DYNC2H1: variants seen among roughly 807,000 people sequenced by gnomAD.
DYNC2H1 encodes the protein dynein cytoplasmic 2 heavy chain 1.
A neutral mutation model predicts 570.0 loss-of-function variants in DYNC2H1; 410 were observed. That is an observed-to-expected ratio of 0.72 (90% CI 0.66 to 0.78). DYNC2H1 has a LOEUF of 0.78. Ranked by LOEUF, DYNC2H1 falls within the 30% of genes least tolerant of loss-of-function variation. DYNC2H1 has a pLI of 0.00. For synonymous variants in DYNC2H1, 1,688 were observed against 1,677.6 expected, an observed-to-expected ratio of 1.01 and a Z score of -0.15; for missense variants, 4,865 against 5,046.4, an observed-to-expected ratio of 0.96 and a Z score of 1.09.
rs199635559 is a variant in DYNC2H1 at position 103,186,199 on chromosome 11, C to G, written c.6634-43C>G. 13 of 1,574,846 alleles carry G rather than the reference C, an allele frequency of 8.3e-6. No individual in the cohort carries two copies. The Admixed American group carries it at 1.4e-4, about 17-fold the overall frequency. On this transcript the variant is annotated intron_variant, in intron 41 of 88. Transcript: ENST00000375735. This position sits in a 1 kb window ranked among gnomAD's most constrained non-coding sequence, Gnocchi z 4.5. The stretch of plus-strand genomic sequence containing the variant: ...TGGAAGAATTTTAAAATGTCACACA[C>G]TCTGGAGTATGTGAAAACTTATCAC...
rs1864980975 is a variant in DYNC2H1 at position 103,254,792 on chromosome 11, G to T, written c.10207-623G>T. On this transcript the variant is annotated intron_variant, in intron 66 of 88. Coordinates refer to ENST00000375735, the MANE Select transcript of DYNC2H1 (RefSeq NM_001377.3). The surrounding 1 kb of genome is among the most constrained non-coding windows in gnomAD (Gnocchi z 4.9). ...TGTTTATTTTATTTTATTTTTTTGA[G>T]ACGGAGTCTGGCACTGTTGCCCAGG... 6.6e-6 allele frequency among the ~76,000 whole-genome samples: 1 copy of T among 151,896 alleles called. No homozygotes were observed. The highest frequency in any genetic ancestry group is 2.1e-4 in the South Asian group (1 of 4,818).
At position 103,239,657 on chromosome 11, in the gene DYNC2H1, G is replaced by GTT. The variant is rs1306235671; in HGVS notation, c.9819+3119_9819+3120insTT. On this transcript the variant is annotated intron_variant, in intron 63 of 88. Transcript: ENST00000375735. The surrounding 1 kb of genome is among the most constrained non-coding windows in gnomAD (Gnocchi z 4.3). Reference sequence around the variant, plus strand: ...TTCTCATAGGAGTGTGTGTGTGTGTGTGTGTGTGTGTGTGTGTGTGTAACC... The same window carrying GTT: ...TTCTCATAGGAGTGTGTGTGTGTGTGTTTGTGTGTGTGTGTGTGTGTGTAACC... Among the ~76,000 whole-genome samples the GTT allele has an allele frequency of 6.6e-6, 1 of 151,728 alleles. No homozygotes were observed. Among genetic ancestry groups the GTT allele is most frequent in the Non-Finnish European group, 1.5e-5 (1 of 67,922 alleles).
At position 103,184,908 on chromosome 11, in the gene DYNC2H1, G is replaced by A. The variant is rs1231087634; in HGVS notation, c.6490G>A (p.Val2164Ile). The change falls in exon 41 of 89, where the codon GTA becomes ATA. Residue 2164 changes from valine (V) to isoleucine (I), a missense_variant. Transcript: ENST00000375735. ...QWVLKQNDYV[V>I]ETSLVGTVMN... ...TTTTAATCAACAGAATGACTATGTG[G>A]TAGAAACAAGTTTGGTTGGGACTGT... 2.5e-6 allele frequency: 4 copies of A among 1,610,250 alleles called. No individual in the cohort carries two copies. Among genetic ancestry groups the A allele is most frequent in the Non-Finnish European group, 3.4e-6 (4 of 1,177,470 alleles).
chr11:103,223,189 C>G, intron 59 of DYNC2H1, 103 bp downstream of exon 59: 1 of 1,169,782 alleles, frequency 8.5e-7, no homozygotes, highest in Non-Finnish European at 1.1e-6. Flanking sequence ...TGTAAAATGG[C>G]AGTTGACAAT....
At chr11:103,321,818 A>G (rs189758057) in intron 81 of DYNC2H1, among the ~76,000 whole-genome samples, 250 of 152,188 alleles carry the variant, frequency 1.6e-3, no homozygotes, top group South Asian at 9.1e-3. Flanking sequence ...AAAGATTTCA[A>G]TTTTGATTTA....
At position 103,228,172 on chromosome 11, in the gene DYNC2H1, G is replaced by A. The variant is rs781277854; in HGVS notation, c.9354-3088G>A. Among the ~76,000 whole-genome samples the A allele has an allele frequency of 1.3e-5, 2 of 152,018 alleles. No individual in the cohort carries two copies. The highest frequency in any genetic ancestry group is 2.9e-5 in the Non-Finnish European group (2 of 67,998). On this transcript the variant is annotated intron_variant, in intron 59 of 88. Transcript: ENST00000375735. The surrounding 1 kb of genome is among the most constrained non-coding windows in gnomAD (Gnocchi z 6.1). ...TGTATCTTTTAAGTGGAGCATTTAC[G>A]CCATTTACGTTCAGTGTTAGTATTG...
At position 103,326,269 on chromosome 11, in the gene DYNC2H1, GCC is replaced by G. The variant is rs1254021896; in HGVS notation, c.12039+2282_12039+2283del. Among the ~76,000 whole-genome samples the G allele has an allele frequency of 6.6e-6, 1 of 152,084 alleles. No homozygotes were observed. Among genetic ancestry groups the G allele is most frequent in the Non-Finnish European group, 1.5e-5 (1 of 68,010 alleles). On this transcript the variant is annotated intron_variant, in intron 82 of 88. Coordinates refer to ENST00000375735, the MANE Select transcript of DYNC2H1 (RefSeq NM_001377.3). The surrounding 1 kb of genome is among the most constrained non-coding windows in gnomAD (Gnocchi z 6.1). Reference sequence around the variant, plus strand: ...CGGGGAATAAAATCATCTCACCAGGGCCCCGTCCTTGGCTTTGAGTGAGCCTC... The same window carrying G: ...CGGGGAATAAAATCATCTCACCAGGGCCGTCCTTGGCTTTGAGTGAGCCTC...
chr11:103,158,719 A>G lies in DYNC2H1; in HGVS notation c.4170A>G (p.Thr1390=), dbSNP rs1271447611. 1.3e-6 allele frequency: 2 copies of G among 1,531,344 alleles called. No individual in the cohort carries two copies. The highest frequency in any genetic ancestry group is 1.8e-6 in the Non-Finnish European group (2 of 1,130,512). The allele number at this position is 1,531,344 out of a possible 1,614,324, so 94.9% of individuals were successfully genotyped here. Reference sequence around the variant, plus strand: ...TCAAGAAAGACAATAGAGTCACAACATTAACTACTCATGCTGGAATAAGAA... The same window carrying G: ...TCAAGAAAGACAATAGAGTCACAACGTTAACTACTCATGCTGGAATAAGAA... ...TDIKKDNRVT[T]LTTHAGIRNS... The change falls in exon 27 of 89, where the codon ACA becomes ACG. Residue 1390 remains threonine (T), a synonymous_variant. Coordinates refer to ENST00000375735, the MANE Select transcript of DYNC2H1 (RefSeq NM_001377.3).
At chr11:103,402,469 A>C (rs1022317821) in intron 84 of DYNC2H1, 2 of 152,130 alleles carry the variant, frequency 1.3e-5, no homozygotes, top group African/African-American at 4.8e-5. Flanking sequence ...TAAAAGAGTC[A>C]TAGAGTTGAA....
chr11:103,399,074 T>C (rs1942512509), intron 83 of DYNC2H1, among the ~76,000 whole-genome samples: 1 of 151,924 alleles, frequency 6.6e-6, no homozygotes, highest in African/African-American at 2.4e-5. Context: ...TACTTTCTTT[T>C]CTTACCATAC....
intron 47 of DYNC2H1, among the ~76,000 whole-genome samples, chr11:103,193,791 G>A (rs1278454077): frequency 1.3e-5 from 2 of 151,870 alleles, no homozygotes; most frequent in Non-Finnish European, 2.9e-5. Flanking sequence ...CAGGTGATCT[G>A]CCCGCCTTGG....
intron 38 of DYNC2H1, 122 bp from the exon 39 acceptor site, chr11:103,178,904 G>A (rs1421363462): frequency 4.1e-6 from 4 of 966,200 alleles, no homozygotes; most frequent in East Asian, 2.6e-5. Flanking sequence ...TTGCGCATGG[G>A]TTCTTCAGCA....
chr11:103,342,858 ACC>A (rs1187036605), intron 82 of DYNC2H1, among the ~76,000 whole-genome samples: 1 of 152,046 alleles, frequency 6.6e-6, no homozygotes, highest in Non-Finnish European at 1.5e-5. Flanking sequence ...GAGACCAGGA[ACC>A]CACTGGAAGG....
chr11:103,216,090 C>A (rs1399508813), intron 55 of DYNC2H1, among the ~76,000 whole-genome samples: 3 of 152,016 alleles, frequency 2.0e-5, no homozygotes, highest in Non-Finnish European at 1.5e-5. Context: ...TATGTAAACT[C>A]TTTTTATATT....
At chr11:103,321,984 A>T (rs909088661) in intron 81 of DYNC2H1, among the ~76,000 whole-genome samples, 2 of 152,158 alleles carry the variant, frequency 1.3e-5, no homozygotes, top group Non-Finnish European at 2.9e-5. Flanking sequence ...ATTTTTTTCA[A>T]GAAAAATCCT....
At chr11:103,308,377 T>C (rs1356304009) in intron 78 of DYNC2H1, among the ~76,000 whole-genome samples, 1 of 152,230 alleles carries the variant, frequency 6.6e-6, no homozygotes, top group Admixed American at 6.5e-5. Context: ...TGTATGTATA[T>C]ACCACATTTT....
chr11:103,225,831 T>C lies in DYNC2H1; in HGVS notation c.9353+2745T>C, dbSNP rs192011557. ...ATGGGAATCACATTGAGTTTGTAGATTGCTTTTGGCAGTATGGTCATTTTC... is the reference window on the plus strand; with the variant it reads ...ATGGGAATCACATTGAGTTTGTAGACTGCTTTTGGCAGTATGGTCATTTTC... On this transcript the variant is annotated intron_variant, in intron 59 of 88. Transcript: ENST00000375735. Among the ~76,000 whole-genome samples, 8 of 152,348 alleles carry C rather than the reference T, an allele frequency of 5.3e-5. No homozygotes were observed. In the East Asian group the frequency reaches 7.7e-4, roughly 15 times the overall value.
chr11:103,256,252 C>T lies in DYNC2H1; in HGVS notation c.10461+12C>T, dbSNP rs749469747. On this transcript the variant is annotated intron_variant, in intron 68 of 88. Transcript: ENST00000375735. The surrounding 1 kb of genome is among the most constrained non-coding windows in gnomAD (Gnocchi z 4.0). Reference sequence around the variant, plus strand: ...TTTCCCTTGATCAAGTAATTATTTCCTTCTTTGTAATTTCGTATTATGTTT... The same window carrying T: ...TTTCCCTTGATCAAGTAATTATTTCTTTCTTTGTAATTTCGTATTATGTTT... The T allele has an allele frequency of 6.3e-6, 10 of 1,582,112 alleles. No individual in the cohort carries two copies. The highest frequency in any genetic ancestry group is 2.4e-5 in the South Asian group (2 of 84,346).
chr11:103,212,049 G>GT (rs1238143098), intron 54 of DYNC2H1, 106 bp downstream of exon 54: 2 of 1,230,328 alleles, frequency 1.6e-6, no homozygotes, highest in African/African-American at 3.1e-5. Context: ...ATTAATAAAT[G>GT]TACTGTATTA....
Sources: gnomAD v4.1 joint callset for allele counts (sites outside exome capture counted in the v4.1 genomes callset) on GRCh38, gnomAD v4.1.1 for gene constraint, Gnocchi (gnomAD v3.1) non-coding constraint, MANE v1.5 for transcripts, NCBI Gene and HGNC (gene_info 2026-07-23, HGNC 2026-07-21) for gene names.